ADAM23: variants seen among roughly 807,000 people sequenced by gnomAD.
The protein encoded by ADAM23 is disintegrin and metalloproteinase domain-containing protein 23.
A neutral mutation model predicts 120.1 loss-of-function variants in ADAM23; 33 were observed. That is an observed-to-expected ratio of 0.27 (90% CI 0.21 to 0.37). The LOEUF is 0.37. Ranked by LOEUF, ADAM23 falls within the 10% of genes least tolerant of loss-of-function variation. The pLI is 1.00. For missense variants in ADAM23, 862 were observed against 1,058.2 expected (o/e 0.81, Z 2.57); for synonymous variants, 367 against 375.2 (o/e 0.98, Z 0.25).
At chr2:206,468,000 C>T (rs1009955045) in intron 2 of ADAM23, among the ~76,000 whole-genome samples, 2 of 152,150 alleles carry the variant, frequency 1.3e-5, no homozygotes, top group African/African-American at 4.8e-5. Flanking sequence ...GCTAGAGTGC[C>T]TGGGAAGCAG....
chr2:206,604,318 T>G (rs776194935), intron 24 of ADAM23, among the ~76,000 whole-genome samples: 8 of 152,164 alleles, frequency 5.3e-5, no homozygotes, highest in Non-Finnish European at 1.0e-4. Flanking sequence ...TCAGTTAATT[T>G]AGTATTCTGA....
At chr2:206,565,844 A>T (rs1001360520) in intron 14 of ADAM23, among the ~76,000 whole-genome samples, 1 of 152,158 alleles carries the variant, frequency 6.6e-6, no homozygotes, top group African/African-American at 2.4e-5. Context: ...TCTGGTTGCC[A>T]GAGGCCCTGA....
intron 3 of ADAM23, among the ~76,000 whole-genome samples, chr2:206,515,094 T>A (rs1169993382): frequency 6.6e-6 from 1 of 152,100 alleles, no homozygotes; most frequent in Non-Finnish European, 1.5e-5. Flanking sequence ...TGATCATAGG[T>A]CTTGCTTTTC....
intron 2 of ADAM23, among the ~76,000 whole-genome samples, chr2:206,479,550 A>C (rs78785006): frequency 2.9e-3 from 442 of 152,336 alleles, no homozygotes; most frequent in South Asian, 0.012. Context: ...ATTATTCATC[A>C]ATATAAATAT....
chr2:206,459,352 T>G (rs896297165), intron 2 of ADAM23, among the ~76,000 whole-genome samples: 1 of 152,198 alleles, frequency 6.6e-6, no homozygotes, highest in Non-Finnish European at 1.5e-5. Context: ...AACTATATCC[T>G]TATTTATTCT....
At position 206,562,243 on chromosome 2, in the gene ADAM23, G is replaced by T; in HGVS notation, c.1295G>T (p.Ser432Ile). 1 of 1,614,072 alleles carries T rather than the reference G, an allele frequency of 6.2e-7. No individual in the cohort carries two copies. Among genetic ancestry groups the T allele is most frequent in the Non-Finnish European group, 8.5e-7 (1 of 1,179,952 alleles). The stretch of plus-strand genomic sequence containing the variant: ...GCAGTGGCACAAGTATTATCGCAGA[G>T]CCTGGCTCAAAACCTTGGAATCCAA... Reference protein sequence around the residue: ...PMAVAQVLSQSLAQNLGIQWE... With the variant: ...PMAVAQVLSQILAQNLGIQWE... The change falls in exon 13 of 26, where the codon AGC becomes ATC. Residue 432 changes from serine to isoleucine, a missense_variant. Ser to Ile is a moderately radical substitution (Grantham distance 142, BLOSUM62 -2). Around this residue, in one of 4 missense-constraint regions of ADAM23, gnomAD observed 617 missense variants for 813.5 expected, o/e 0.76. Transcript: ENST00000264377.
At position 206,573,158 on chromosome 2, in the gene ADAM23, G is replaced by C; in HGVS notation, c.1700G>C (p.Cys567Ser). The change falls in exon 18 of 26, where the codon TGT (cysteine) becomes TCT (serine). Residue 567 changes from cysteine to serine, a missense_variant. By Grantham distance (112) the Cys-to-Ser change is moderately radical (BLOSUM62 -1). Coordinates refer to ENST00000264377, the MANE Select transcript of ADAM23 (RefSeq NM_003812.4). ...GYECRDAVNE[C>S]DITEYCTGDS... ...GAATGCCGGGATGCTGTGAACGAGT[G>C]TGATATTACTGAATATTGTACTGGA... 6.2e-7 allele frequency: 1 copy of C among 1,613,986 alleles called. No homozygotes were observed. Among genetic ancestry groups the C allele is most frequent in the South Asian group, 1.1e-5 (1 of 91,082 alleles).
intron 3 of ADAM23, among the ~76,000 whole-genome samples, chr2:206,493,798 G>A (rs1219999786): frequency 6.6e-6 from 1 of 152,214 alleles, no homozygotes; most frequent in African/African-American, 2.4e-5. Context: ...CTAATACATT[G>A]TAGAGAGCAC....
chr2:206,616,387 A>G lies in ADAM23; in HGVS notation c.2451-1192A>G, dbSNP rs576590127. The stretch of plus-strand genomic sequence containing the variant: ...GCTGCAATGGTTACCTGCTAGGCCA[A>G]TGAGTCACACACTTAGGTCACTCAT... On this transcript the variant is annotated intron_variant, in intron 25 of 25. Coordinates refer to ENST00000264377, the MANE Select transcript of ADAM23 (RefSeq NM_003812.4). Among the ~76,000 whole-genome samples, 10 of 152,354 alleles carry G rather than the reference A, an allele frequency of 6.6e-5. No homozygotes were observed. The South Asian group carries it at 1.9e-3, about 28-fold the overall frequency.
chr2:206,475,265 A>G (rs764747348), intron 2 of ADAM23, among the ~76,000 whole-genome samples: 1 of 152,176 alleles, frequency 6.6e-6, no homozygotes. Context: ...CCAGTGTATC[A>G]ATTTAGAATG....
chr2:206,572,657 C>T (rs1209684477), intron 17 of ADAM23, among the ~76,000 whole-genome samples: 3 of 152,044 alleles, frequency 2.0e-5, no homozygotes, highest in Admixed American at 6.5e-5. Context: ...AAAGGTAATT[C>T]GTATGAATTT....
At chr2:206,456,410 C>T (rs904415533) in intron 2 of ADAM23, among the ~76,000 whole-genome samples, 21 of 152,026 alleles carry the variant, frequency 1.4e-4, no homozygotes, top group South Asian at 6.3e-4. Flanking sequence ...ATGAGATTTG[C>T]GTAGGGACAT....
At chr2:206,496,459 CA>C (rs1696250038) in intron 3 of ADAM23, among the ~76,000 whole-genome samples, 1 of 151,988 alleles carries the variant, frequency 6.6e-6, no homozygotes, top group South Asian at 2.1e-4. Context: ...CCAACGAGAA[CA>C]AAGACACAAA....
chr2:206,446,138 T>A (rs959146491), intron 2 of ADAM23, among the ~76,000 whole-genome samples: 3 of 152,222 alleles, frequency 2.0e-5, no homozygotes, highest in African/African-American at 7.2e-5. Flanking sequence ...TTGGCATAAT[T>A]CTTCAGTACC....
intron 4 of ADAM23, among the ~76,000 whole-genome samples, chr2:206,531,685 G>A (rs1451951868): frequency 1.3e-5 from 2 of 152,148 alleles, no homozygotes; most frequent in African/African-American, 4.8e-5. Flanking sequence ...TGACTTCTAG[G>A]GAATCAACAA....
At chr2:206,534,812 A>G (rs185125899) in intron 4 of ADAM23, among the ~76,000 whole-genome samples, 122 of 152,212 alleles carry the variant, frequency 8.0e-4, no homozygotes, top group African/African-American at 2.9e-3. Flanking sequence ...TATTACTATC[A>G]TTATTAGGTG....
At chr2:206,490,006 G>C (rs1056776506) in intron 3 of ADAM23, among the ~76,000 whole-genome samples, 1 of 152,130 alleles carries the variant, frequency 6.6e-6, no homozygotes, top group Non-Finnish European at 1.5e-5. Context: ...CTAACCCCTA[G>C]TACCTAAGAA....
At chr2:206,464,345 C>T (rs1054509135) in intron 2 of ADAM23, among the ~76,000 whole-genome samples, 7 of 152,010 alleles carry the variant, frequency 4.6e-5, no homozygotes, top group African/African-American at 1.5e-4. Flanking sequence ...GAGGGCGAGA[C>T]GGGTGGATCA....
intron 3 of ADAM23, among the ~76,000 whole-genome samples, chr2:206,528,489 T>G (rs1466088179): frequency 6.6e-6 from 1 of 152,244 alleles, no homozygotes; most frequent in African/African-American, 2.4e-5. Context: ...AAGCATTGGC[T>G]TCCTTTCTGT....
Sources: allele counts gnomAD v4.1 joint callset (sites outside exome capture counted in the v4.1 genomes callset), GRCh38; gene constraint gnomAD v4.1.1; regional missense constraint gnomAD v4.1.1; transcripts MANE v1.5; gene names NCBI Gene and HGNC (gene_info 2026-07-23, HGNC 2026-07-21).